DENND5B: variants seen among roughly 807,000 people sequenced by gnomAD.
DENND5B encodes the protein DENN domain-containing protein 5B.
In DENND5B, 34 loss-of-function variants were observed where a neutral mutation model predicts 140.6. That is an observed-to-expected ratio of 0.24 (90% CI 0.18 to 0.32). DENND5B has a LOEUF of 0.32. Among genes scored for constraint, DENND5B ranks in the 10% least tolerant of loss-of-function variants. The pLI, the probability that DENND5B is intolerant of heterozygous loss-of-function variation, is 1.00. For missense variants in DENND5B, 1,142 were observed against 1,560.2 expected (o/e 0.73, Z 4.52); for synonymous variants, 551 against 562.1 (o/e 0.98, Z 0.28).
chr12:31,571,412 T>C (rs1949817708), intron 1 of DENND5B, among the ~76,000 whole-genome samples: 1 of 152,204 alleles, frequency 6.6e-6, no homozygotes, highest in South Asian at 2.1e-4. Context: ...ATTTTAGCAT[T>C]AAGCAACTGA....
At chr12:31,580,965 C>A (rs1422506115) in intron 1 of DENND5B, among the ~76,000 whole-genome samples, 1 of 152,010 alleles carries the variant, frequency 6.6e-6, no homozygotes, top group East Asian at 1.9e-4. Flanking sequence ...ATCAGTCAGG[C>A]ATAGTGGTGC....
At chr12:31,399,034 A>G (rs1941639858) in intron 16 of DENND5B, among the ~76,000 whole-genome samples, 1 of 149,612 alleles carries the variant, frequency 6.7e-6, no homozygotes, top group Admixed American at 6.8e-5. Flanking sequence ...AAGCACGAGA[A>G]CTGCTTGAAC....
intron 9 of DENND5B, among the ~76,000 whole-genome samples, chr12:31,424,893 G>A (rs1593130317): frequency 6.6e-6 from 1 of 152,296 alleles, no homozygotes; most frequent in African/African-American, 2.4e-5. Context: ...CAGAAAAATG[G>A]AGTGTGACTA....
At chr12:31,493,834 C>CAAAAACA (rs1439433934) in intron 2 of DENND5B, among the ~76,000 whole-genome samples, 26 of 152,068 alleles carry the variant, frequency 1.7e-4, no homozygotes, top group Non-Finnish European at 2.9e-4. Flanking sequence ...ATCTCAAAAA[C>CAAAAACA]AAAAACAAAA....
chr12:31,505,699 G>A (rs1472362285), intron 1 of DENND5B, among the ~76,000 whole-genome samples: 2 of 152,148 alleles, frequency 1.3e-5, no homozygotes, highest in Non-Finnish European at 2.9e-5. Context: ...AAGGTCTAGG[G>A]TGATGGTCAT....
At chr12:31,575,330 T>A (rs1949973650) in intron 1 of DENND5B, among the ~76,000 whole-genome samples, 1 of 152,208 alleles carries the variant, frequency 6.6e-6, no homozygotes, top group Non-Finnish European at 1.5e-5. Flanking sequence ...TATGTCATTC[T>A]CATAGAATTC....
intron 1 of DENND5B, among the ~76,000 whole-genome samples, chr12:31,553,105 C>T (rs1221630411): frequency 1.3e-5 from 2 of 152,128 alleles, no homozygotes; most frequent in African/African-American, 2.4e-5. Context: ...CTTCTGCTAG[C>T]TTTTGAATGT....
chr12:31,572,093 G>A (rs1018366921), intron 1 of DENND5B, among the ~76,000 whole-genome samples: 55 of 151,972 alleles, frequency 3.6e-4, no homozygotes, highest in African/African-American at 1.2e-3. Context: ...GTGTGGTGGC[G>A]CATGCCTGTA....
At chr12:31,538,340 C>T (rs1948572897) in intron 1 of DENND5B, among the ~76,000 whole-genome samples, 1 of 151,790 alleles carries the variant, frequency 6.6e-6, no homozygotes, top group Non-Finnish European at 1.5e-5. Context: ...TAGAATAAAA[C>T]TAGAGATCAA....
At chr12:31,401,503 C>T (rs1237148755) in intron 15 of DENND5B, among the ~76,000 whole-genome samples, 1 of 152,152 alleles carries the variant, frequency 6.6e-6, no homozygotes, top group Non-Finnish European at 1.5e-5. Flanking sequence ...GTACCATTTC[C>T]TTCCTCAAAC....
At chr12:31,438,263 G>A (rs191177104) in intron 7 of DENND5B, among the ~76,000 whole-genome samples, 1 of 152,288 alleles carries the variant, frequency 6.6e-6, no homozygotes, top group African/African-American at 2.4e-5. Context: ...ATGAGGCACT[G>A]CGCCTGGCCA....
intron 1 of DENND5B, among the ~76,000 whole-genome samples, chr12:31,519,889 T>A (rs1295627258): frequency 2.0e-5 from 3 of 152,206 alleles, no homozygotes; most frequent in African/African-American, 7.2e-5. Flanking sequence ...CACTACTATC[T>A]AATTTTAGAA....
At chr12:31,474,784 T>C (rs1945714710) in intron 3 of DENND5B, among the ~76,000 whole-genome samples, 1 of 152,346 alleles carries the variant, frequency 6.6e-6, no homozygotes, top group African/African-American at 2.4e-5. Flanking sequence ...TAAGGACACC[T>C]ATTTCATTCA....
intron 1 of DENND5B, among the ~76,000 whole-genome samples, chr12:31,501,411 G>A (rs1168527259): frequency 1.3e-5 from 2 of 152,252 alleles, no homozygotes; most frequent in East Asian, 1.9e-4. Flanking sequence ...AAATTGCCCG[G>A]TCTCAAGTCT....
chr12:31,499,919 A>C (rs1371087003), intron 1 of DENND5B, among the ~76,000 whole-genome samples: 1 of 152,228 alleles, frequency 6.6e-6, no homozygotes, highest in Non-Finnish European at 1.5e-5. Context: ...CAGGTTTTGT[A>C]TGGGAAATAG....
At chr12:31,517,130 G>A (rs1214016553) in intron 1 of DENND5B, among the ~76,000 whole-genome samples, 1 of 152,014 alleles carries the variant, frequency 6.6e-6, no homozygotes, top group Non-Finnish European at 1.5e-5. Flanking sequence ...AAAAACTTTA[G>A]ATAAATGAAA....
At chr12:31,397,673 G>A (rs1034102781) in intron 17 of DENND5B, among the ~76,000 whole-genome samples, 8 of 150,584 alleles carry the variant, frequency 5.3e-5, no homozygotes, top group African/African-American at 1.7e-4. Flanking sequence ...CGCCTGTAAT[G>A]CCAGCACTTT....
intron 1 of DENND5B, among the ~76,000 whole-genome samples, chr12:31,538,833 C>T (rs1306085015): frequency 2.0e-5 from 3 of 152,048 alleles, no homozygotes; most frequent in Non-Finnish European, 4.4e-5. Flanking sequence ...TGTGCCACTG[C>T]ACTCCAGGGT....
intron 1 of DENND5B, among the ~76,000 whole-genome samples, chr12:31,561,167 G>A (rs1949461681): frequency 6.6e-6 from 1 of 152,154 alleles, no homozygotes; most frequent in Non-Finnish European, 1.5e-5. Context: ...GGATCTGTCC[G>A]AGTCACAGAT....
Sources: allele counts gnomAD v4.1 joint callset (sites outside exome capture counted in the v4.1 genomes callset), GRCh38; gene constraint gnomAD v4.1.1; transcripts MANE v1.5; gene names NCBI Gene and HGNC (gene_info 2026-07-23, HGNC 2026-07-21).